Variants in TCF12 observed in about 807,000 individuals in gnomAD.
The protein encoded by TCF12 is transcription factor 12, also known as DNA-binding protein HTF4.
Under a neutral mutation model 86.0 loss-of-function variants are expected in TCF12, and 45 were observed. The observed-to-expected ratio is 0.52, with a 90% confidence interval of 0.41 to 0.67. The LOEUF (loss-of-function observed/expected upper bound fraction) is 0.67, where lower values mean the gene tolerates loss of function less well. Among genes scored for constraint, TCF12 ranks in the 30% least tolerant of loss-of-function variants. The pLI is 0.00. For missense variants in TCF12, 881 were observed against 859.9 expected (o/e 1.02, Z -0.31); for synonymous variants, 330 against 299.6 (o/e 1.10, Z -1.05).
rs564971811 is a variant in TCF12, at chr15:57,142,929, T to C, written c.326-23473T>C. On this transcript the variant is annotated intron_variant, in intron 5 of 20. Transcript: ENST00000333725. ...TGAAAGTCAAGAAAGTTGACGAGAATGAATAAGACTAGCATTTGATAGCAC... is the reference window on the plus strand; with the variant it reads ...TGAAAGTCAAGAAAGTTGACGAGAACGAATAAGACTAGCATTTGATAGCAC... Among the ~76,000 whole-genome samples the C allele has an allele frequency of 1.1e-4, 17 of 152,300 alleles. 1 individual carries two copies. The South Asian group carries it at 3.5e-3, about 32-fold the overall frequency.
At chr15:57,099,456 A>T (rs1365338559) in intron 5 of TCF12, among the ~76,000 whole-genome samples, 12 of 152,106 alleles carry the variant, frequency 7.9e-5, no homozygotes, top group Non-Finnish European at 1.6e-4. Context: ...TTTGAATTTT[A>T]AAAAAATATT....
At chr15:56,997,002 G>A (rs572277084) in intron 3 of TCF12, among the ~76,000 whole-genome samples, 2 of 152,280 alleles carry the variant, frequency 1.3e-5, no homozygotes, top group East Asian at 1.9e-4. Flanking sequence ...GGAAAAAAGG[G>A]AACACATAAC....
chr15:57,065,357 C>A (rs1337520011), intron 4 of TCF12, among the ~76,000 whole-genome samples: 1 of 152,178 alleles, frequency 6.6e-6, no homozygotes, highest in Non-Finnish European at 1.5e-5. Context: ...CTTGAGGCTA[C>A]TTAAACTGGT....
chr15:57,157,389 G>A (rs201179196), intron 5 of TCF12, among the ~76,000 whole-genome samples: 1 of 88,990 alleles, frequency 1.1e-5, no homozygotes, highest in Non-Finnish European at 2.1e-5. Context: ...GGGGAAATGT[G>A]GTGACATTAA....
chr15:57,175,634 G>A (rs973449665), intron 6 of TCF12, among the ~76,000 whole-genome samples: 1 of 152,074 alleles, frequency 6.6e-6, no homozygotes, highest in Admixed American at 6.6e-5. Flanking sequence ...CCTCAGTCTT[G>A]GGCAGAATTA....
At chr15:57,186,371 C>T (rs992053370) in intron 6 of TCF12, among the ~76,000 whole-genome samples, 3 of 152,072 alleles carry the variant, frequency 2.0e-5, no homozygotes, top group Admixed American at 6.6e-5. Context: ...TGATGGCATC[C>T]ACCTGCAGTC....
At chr15:56,927,721 G>T (rs1434386243) in intron 3 of TCF12, among the ~76,000 whole-genome samples, 1 of 151,980 alleles carries the variant, frequency 6.6e-6, no homozygotes, top group African/African-American at 2.4e-5. Context: ...TTTGTTTTTT[G>T]TGCCTACAAG....
intron 5 of TCF12, among the ~76,000 whole-genome samples, chr15:57,142,420 T>G (rs1025818166): frequency 1.6e-5 from 1 of 63,046 alleles, no homozygotes; most frequent in Non-Finnish European, 4.6e-5. Context: ...AGCCTGAGAA[T>G]AGAGCCTGGA....
At chr15:57,068,607 T>C (rs1204400083) in intron 4 of TCF12, among the ~76,000 whole-genome samples, 1 of 152,168 alleles carries the variant, frequency 6.6e-6, no homozygotes, top group African/African-American at 2.4e-5. Context: ...ACATGATGAG[T>C]GCTCTATACA....
intron 3 of TCF12, among the ~76,000 whole-genome samples, chr15:56,938,811 A>C (rs1466804276): frequency 6.6e-6 from 1 of 152,090 alleles, no homozygotes; most frequent in Non-Finnish European, 1.5e-5. Flanking sequence ...CCACATATGA[A>C]TTTTGAGAGG....
chr15:57,180,842 T>G (rs1478827404), intron 6 of TCF12, among the ~76,000 whole-genome samples: 16 of 115,680 alleles, frequency 1.4e-4, no homozygotes, highest in Admixed American at 2.3e-4. Context: ...TGAGATGGAG[T>G]CTCGCTCTGT....
chr15:57,007,023 G>A (rs1241054111), intron 3 of TCF12, among the ~76,000 whole-genome samples: 2 of 152,078 alleles, frequency 1.3e-5, no homozygotes, highest in Non-Finnish European at 2.9e-5. Context: ...AGTACTTTGA[G>A]GAATTACTGC....
At chr15:57,015,149 A>G (rs1344953845) in intron 3 of TCF12, among the ~76,000 whole-genome samples, 1 of 152,022 alleles carries the variant, frequency 6.6e-6, no homozygotes, top group Non-Finnish European at 1.5e-5. Context: ...TTAGCCGGGT[A>G]TGGTGGTACA....
chr15:57,117,845 A>G (rs1015789122), intron 5 of TCF12, among the ~76,000 whole-genome samples: 17 of 152,222 alleles, frequency 1.1e-4, no homozygotes, highest in African/African-American at 3.4e-4. Flanking sequence ...GACTATAAAC[A>G]TGGAACGCTT....
intron 7 of TCF12, among the ~76,000 whole-genome samples, chr15:57,192,585 G>C (rs1358521684): frequency 6.6e-6 from 1 of 151,940 alleles, no homozygotes. Flanking sequence ...ACAGGGTTTT[G>C]CCATGTTGTC....
intron 3 of TCF12, among the ~76,000 whole-genome samples, chr15:57,020,843 A>C (rs1596154502): frequency 6.6e-6 from 1 of 152,176 alleles, no homozygotes; most frequent in African/African-American, 2.4e-5. Flanking sequence ...GTAGGTGTGC[A>C]TAAGAAACTG....
chr15:57,148,927 C>T (rs2053558573), intron 5 of TCF12, among the ~76,000 whole-genome samples: 2 of 152,136 alleles, frequency 1.3e-5, no homozygotes, highest in African/African-American at 2.4e-5. Flanking sequence ...CTAACAACAA[C>T]GTGACCAGTT....
chr15:57,263,158 G>A lies in TCF12; in HGVS notation c.1629G>A (p.Lys543=), dbSNP rs1245806809. Residue 543 remains lysine, a synonymous_variant, in exon 18 of 21, where the codon AAG becomes AAA. Coordinates refer to ENST00000333725, the MANE Select transcript of TCF12 (RefSeq NM_207037.2). ...QSGTVVTTEI[K]TENKEKDENL... is the part of the protein sequence containing the mutation. The stretch of plus-strand genomic sequence containing the variant: ...GAACTGTTGTTACAACAGAAATCAA[G>A]ACTGAAAACAAAGAAAAGGATGAAA... The A allele has an allele frequency of 6.2e-7, 1 of 1,613,046 alleles. No homozygotes were observed. The highest frequency in any genetic ancestry group is 2.2e-5 in the East Asian group (1 of 44,754).
At chr15:56,933,114 G>C (rs2060318191) in intron 3 of TCF12, among the ~76,000 whole-genome samples, 3 of 152,128 alleles carry the variant, frequency 2.0e-5, no homozygotes, top group Admixed American at 2.0e-4. Context: ...GAAAAGAATG[G>C]TTACTTCATA....
Sources: allele counts gnomAD v4.1 joint callset (sites outside exome capture counted in the v4.1 genomes callset), GRCh38; gene constraint gnomAD v4.1.1; transcripts MANE v1.5; gene names NCBI Gene and HGNC (gene_info 2026-07-23, HGNC 2026-07-21).